Variants in POSTN observed in about 807,000 individuals in gnomAD.
POSTN encodes the protein osteoblast specific factor 2 (fasciclin I-like).
POSTN carries 71 observed loss-of-function variants against 104.5 expected under a neutral mutation model. The ratio of observed to expected loss-of-function variants is 0.68; its 90% CI spans 0.56 to 0.83. The LOEUF (loss-of-function observed/expected upper bound fraction) is 0.83. Ranked by LOEUF, POSTN falls within the 40% of genes least tolerant of loss-of-function variation. The pLI, the probability that POSTN is intolerant of heterozygous loss-of-function variation, is 0.00. For synonymous variants in POSTN, 355 were observed against 340.7 expected (o/e 1.04, Z -0.46); for missense variants, 949 against 1,006.8 (o/e 0.94, Z 0.78).
Position 37,584,230 on chromosome 13 carries a change from A to G in POSTN, c.1109-127T>C. The G allele has an allele frequency of 6.0e-6, 7 of 1,167,166 alleles. 1 individual carries two copies. The South Asian group carries it at 1.1e-4, about 19-fold the overall frequency. The allele number at this position is 1,167,166 out of a possible 1,614,324, so 72.3% of individuals were successfully genotyped here. A position where few individuals can be genotyped will look rare whatever the true frequency, so the allele number is the denominator to read the frequency against. On this transcript the variant is annotated intron_variant, in intron 8 of 22. Coordinates refer to ENST00000379747, the MANE Select transcript of POSTN (RefSeq NM_006475.3). ...TATTTACTGCAATGTCAGTGTGATAAGACATCCTCCTCCTCCCTAATAAGA... is the reference window on the plus strand; with the variant it reads ...TATTTACTGCAATGTCAGTGTGATAGGACATCCTCCTCCTCCCTAATAAGA...
At chr13:37,581,664 C>G (rs1950594552) in intron 10 of POSTN, among the ~76,000 whole-genome samples, 1 of 151,926 alleles carries the variant, frequency 6.6e-6, no homozygotes, top group African/African-American at 2.4e-5. Context: ...TTTAAGGTTA[C>G]AGTGAGCTAT....
intron 8 of POSTN, among the ~76,000 whole-genome samples, chr13:37,584,504 C>T (rs375963483): frequency 1.3e-5 from 2 of 152,026 alleles, no homozygotes; most frequent in South Asian, 2.1e-4. Context: ...TGTCAGAAAC[C>T]CTAGAAAGCC....
intron 16 of POSTN, among the ~76,000 whole-genome samples, chr13:37,576,966 A>T (rs1023443643): frequency 6.6e-6 from 1 of 152,120 alleles, no homozygotes; most frequent in African/African-American, 2.4e-5. Context: ...GCCAGAATAA[A>T]TGTGGGTATT....
chr13:37,592,735 A>G lies in POSTN; in HGVS notation c.219-571T>C, dbSNP rs1416847840. Among the ~76,000 whole-genome samples, 4 of 152,340 alleles carry G rather than the reference A, an allele frequency of 2.6e-5. No homozygotes were observed. In the East Asian group the frequency reaches 7.7e-4, roughly 29 times the overall value. ...TTGGTTGACATGTGAACCTTGAGCA[A>G]GTCATTTAATCAATAGGAGTCCCTG... On this transcript the variant is annotated intron_variant, in intron 2 of 22. Transcript: ENST00000379747.
intron 5 of POSTN, among the ~76,000 whole-genome samples, chr13:37,587,237 T>C (rs1463900011): frequency 6.6e-6 from 1 of 152,200 alleles, no homozygotes; most frequent in Non-Finnish European, 1.5e-5. Context: ...ATAAACTTTT[T>C]AATGTGGGTC....
At chr13:37,595,706 C>A (rs2138409034) in intron 2 of POSTN, among the ~76,000 whole-genome samples, 1 of 152,134 alleles carries the variant, frequency 6.6e-6, no homozygotes, top group African/African-American at 2.4e-5. Context: ...AGTAATTTCA[C>A]ATTTATCAAT....
chr13:37,574,738 C>G (rs1451631078), intron 16 of POSTN, 86 bp from the exon 17 acceptor site: 2 of 1,429,720 alleles, frequency 1.4e-6, no homozygotes, highest in Non-Finnish European at 1.8e-6. Context: ...TCTTTTTTGT[C>G]TCTGTAGGAT....
chr13:37,580,235 C>G (rs1454455557), intron 11 of POSTN, among the ~76,000 whole-genome samples: 2 of 152,000 alleles, frequency 1.3e-5, no homozygotes, highest in Admixed American at 6.6e-5. Flanking sequence ...CAAGGTCACA[C>G]ATAACAAAAA....
intron 8 of POSTN, among the ~76,000 whole-genome samples, 169 bp downstream of exon 8, chr13:37,584,547 C>G (rs551963052): frequency 6.6e-6 from 1 of 152,300 alleles, no homozygotes; most frequent in Admixed American, 6.5e-5. Flanking sequence ...CATCACTACA[C>G]TGCCTATCTA....
chr13:37,575,001 A>G (rs1950364831), intron 16 of POSTN, among the ~76,000 whole-genome samples: 1 of 152,044 alleles, frequency 6.6e-6, no homozygotes, highest in Non-Finnish European at 1.5e-5. Context: ...CAGAAGACAA[A>G]TATGATTAAT....
chr13:37,572,821 T>C (rs1315397171), intron 17 of POSTN, among the ~76,000 whole-genome samples: 1 of 151,622 alleles, frequency 6.6e-6, no homozygotes, highest in Admixed American at 6.6e-5. Context: ...AATAAATCTG[T>C]AATTGTTCAA....
chr13:37,580,237 TAAC>T (rs569901412), intron 11 of POSTN, among the ~76,000 whole-genome samples: 264 of 152,246 alleles, frequency 1.7e-3, no homozygotes, highest in Non-Finnish European at 2.7e-3. Context: ...AGGTCACACA[TAAC>T]AAAAAAGAAG....
intron 3 of POSTN, 87 bp downstream of exon 3, chr13:37,592,013 C>T: frequency 2.4e-6 from 2 of 817,412 alleles, no homozygotes; most frequent in South Asian, 2.9e-5. Flanking sequence ...GCTGAATACA[C>T]ACATACACAA....
chr13:37,579,253 T>A lies in POSTN; in HGVS notation c.1767A>T (p.Gln589His). 2 of 1,611,082 alleles carry A rather than the reference T, an allele frequency of 1.2e-6. No homozygotes were observed. The highest frequency in any genetic ancestry group is 1.7e-6 in the Non-Finnish European group (2 of 1,177,456). Residue 589 changes from glutamine to histidine, a missense_variant, in exon 13 of 23, where the codon CAA (glutamine) becomes CAT (histidine). Transcript: ENST00000379747. ...PGVTNILKTTQGSKIFLKEVN... is the reference protein window; with the variant it reads ...PGVTNILKTTHGSKIFLKEVN... ...CTTCTTTCAGAAAGATTTTGCTTCC[T>A]TGTGTGGTCTTTAAAATGTTAGTAA...
chr13:37,596,875 G>A (rs1951099940), intron 2 of POSTN, among the ~76,000 whole-genome samples: 1 of 152,080 alleles, frequency 6.6e-6, no homozygotes. Flanking sequence ...ATAAAAGAGG[G>A]CCAAACCAGG....
chr13:37,590,597 A>C, intron 3 of POSTN, 68 bp from the exon 4 acceptor site: 1 of 1,313,492 alleles, frequency 7.6e-7, no homozygotes, highest in Non-Finnish European at 1.0e-6. Context: ...TAATCATTTA[A>C]ACTTTATGCT....
intron 4 of POSTN, 133 bp downstream of exon 4, chr13:37,590,239 T>A (rs930298835): frequency 3.3e-6 from 2 of 605,962 alleles, no homozygotes; most frequent in Non-Finnish European, 5.3e-6. Context: ...TAATAACTCA[T>A]CCCTTTAGGT....
Position 37,571,432 on chromosome 13 carries a change from C to G in POSTN, c.2116G>C (p.Glu706Gln), listed in dbSNP as rs142117360. The G allele has an allele frequency of 5.3e-5, 85 of 1,608,346 alleles. No individual in the cohort carries two copies. The highest frequency in any genetic ancestry group is 3.3e-4 in the Middle Eastern group (2 of 6,058). Residue 706 changes from glutamate to glutamine, a missense_variant, in exon 18 of 23, where the codon GAA becomes CAA. Coordinates refer to ENST00000379747, the MANE Select transcript of POSTN (RefSeq NM_006475.3). ...EGPTLTKVKI[E>Q]GEPEFRLIKE... ...ATCAGTCTGAATTCAGGTTCACCTTCAATTTTGACTTTTGTTAGTGTGGGT... is the reference window on the plus strand; with the variant it reads ...ATCAGTCTGAATTCAGGTTCACCTTGAATTTTGACTTTTGTTAGTGTGGGT...
intron 9 of POSTN, among the ~76,000 whole-genome samples, 174 bp from the exon 10 acceptor site, chr13:37,582,688 C>T (rs1027259884): frequency 6.6e-6 from 1 of 152,074 alleles, no homozygotes; most frequent in Non-Finnish European, 1.5e-5. Flanking sequence ...TTCAATTCAC[C>T]AAGTAGAAAC....
Sources: allele counts gnomAD v4.1 joint callset (sites outside exome capture counted in the v4.1 genomes callset), GRCh38; gene constraint gnomAD v4.1.1; transcripts MANE v1.5; gene names NCBI Gene and HGNC (gene_info 2026-07-23, HGNC 2026-07-21).